NLGN1: variants seen among roughly 807,000 people sequenced by gnomAD.
NLGN1 encodes the protein neuroligin 1, also known as neuroligin-1.
A neutral mutation model predicts 65.5 loss-of-function variants in NLGN1; 12 were observed. The observed-to-expected ratio is 0.18, with a 90% CI of 0.12 to 0.30. NLGN1 has a LOEUF of 0.30. Among genes scored for constraint, NLGN1 ranks in the 10% least tolerant of loss-of-function variants. NLGN1 has a pLI of 1.00. For synonymous variants in NLGN1, 350 were observed against 359.5 expected (o/e 0.97, Z 0.30); for missense variants, 750 against 1,007.1 (o/e 0.74, Z 3.46).
chr3:173,761,770 T>C (rs943783391), intron 3 of NLGN1, among the ~76,000 whole-genome samples: 6 of 152,084 alleles, frequency 3.9e-5, no homozygotes, highest in African/African-American at 1.4e-4. Context: ...CTCTTTTTGT[T>C]CTTGTAGCCT....
At chr3:174,079,574 T>C (rs1017518661) in intron 4 of NLGN1, among the ~76,000 whole-genome samples, 1 of 152,122 alleles carries the variant, frequency 6.6e-6, no homozygotes, top group African/African-American at 2.4e-5. Context: ...CATTGTATTA[T>C]AAAGACATGC....
intron 1 of NLGN1, among the ~76,000 whole-genome samples, chr3:173,411,451 T>C (rs146342923): frequency 6.6e-5 from 10 of 152,274 alleles, no homozygotes; most frequent in Admixed American, 6.5e-4. Flanking sequence ...ACTTTTGCTC[T>C]AATCATGGCT....
At chr3:173,768,711 A>C (rs1390664747) in intron 3 of NLGN1, among the ~76,000 whole-genome samples, 9 of 152,204 alleles carry the variant, frequency 5.9e-5, no homozygotes, top group Admixed American at 5.9e-4. Context: ...AATAAGTGTG[A>C]AGTTCCTAAC....
chr3:173,483,639 A>T (rs1005300393), intron 2 of NLGN1, among the ~76,000 whole-genome samples: 3 of 152,078 alleles, frequency 2.0e-5, no homozygotes, highest in African/African-American at 7.2e-5. Context: ...TTTAAAATTT[A>T]TTTTTTTAAG....
chr3:173,702,186 C>T (rs1767294417), intron 3 of NLGN1, among the ~76,000 whole-genome samples: 1 of 148,628 alleles, frequency 6.7e-6, no homozygotes, highest in African/African-American at 2.5e-5. Context: ...TTGCAGTGAG[C>T]CGAGATCCCG....
intron 2 of NLGN1, among the ~76,000 whole-genome samples, chr3:173,438,443 G>GCCAACTTGAT (rs1718550534): frequency 2.0e-5 from 3 of 152,052 alleles, no homozygotes; most frequent in Admixed American, 1.3e-4. Flanking sequence ...AAAGAGACAT[G>GCCAACTTGAT]CCAACTTGAT....
At chr3:174,155,320 A>G (rs912863100) in intron 4 of NLGN1, among the ~76,000 whole-genome samples, 2 of 151,520 alleles carry the variant, frequency 1.3e-5, no homozygotes, top group African/African-American at 4.8e-5. Flanking sequence ...CAGACTCCTT[A>G]AATTTTTATT....
chr3:173,656,066 T>C (rs1220512686), intron 3 of NLGN1, among the ~76,000 whole-genome samples: 1 of 152,138 alleles, frequency 6.6e-6, no homozygotes, highest in African/African-American at 2.4e-5. Context: ...GTACACCCTA[T>C]GTAAATGAAG....
At chr3:173,871,946 A>G (rs1301338431) in intron 4 of NLGN1, among the ~76,000 whole-genome samples, 1 of 152,178 alleles carries the variant, frequency 6.6e-6, no homozygotes, top group African/African-American at 2.4e-5. Context: ...TTCAATTTCA[A>G]CCGTTCCTAA....
chr3:173,596,892 T>C (rs1749581763), intron 2 of NLGN1, among the ~76,000 whole-genome samples: 1 of 152,210 alleles, frequency 6.6e-6, no homozygotes. Context: ...ACATTAGGAT[T>C]ACCATTTCTG....
rs140600350 is a variant in NLGN1 at position 173,728,581 on chromosome 3, T to C, written c.494-79099T>C. On this transcript the variant is annotated intron_variant, in intron 3 of 6. Transcript: ENST00000457714. ...TGACCTTATTTGAAAATTGGGTCTT[T>C]TAAGATGTACTTAGTTCAGATGAGT... Among the ~76,000 whole-genome samples the C allele has an allele frequency of 5.2e-3, 799 of 152,236 alleles. 33 individuals are homozygous for C. The highest frequency in any genetic ancestry group is 0.05 in the Admixed American group (759 of 15,268).
chr3:174,233,944 A>T (rs906246479), intron 4 of NLGN1, among the ~76,000 whole-genome samples: 11 of 152,244 alleles, frequency 7.2e-5, no homozygotes, highest in African/African-American at 2.6e-4. Context: ...TGTGTCTATT[A>T]TATGTTGACA....
chr3:173,463,743 A>G (rs1013027572), intron 2 of NLGN1, among the ~76,000 whole-genome samples: 1 of 152,172 alleles, frequency 6.6e-6, no homozygotes, highest in African/African-American at 2.4e-5. Flanking sequence ...ATCATGATAG[A>G]TTGAATGAAG....
intron 4 of NLGN1, among the ~76,000 whole-genome samples, chr3:174,124,880 T>A (rs931256850): frequency 6.6e-6 from 1 of 151,928 alleles, no homozygotes; most frequent in Admixed American, 6.6e-5. Context: ...TCTGAGAAAG[T>A]TTAAGCTAAC....
At chr3:173,579,599 T>A (rs965482233) in intron 2 of NLGN1, among the ~76,000 whole-genome samples, 13 of 152,248 alleles carry the variant, frequency 8.5e-5, no homozygotes, top group Non-Finnish European at 1.3e-4. Flanking sequence ...CAGGCAGGTG[T>A]GTTCTCCCAA....
At chr3:174,026,577 A>G (rs534036571) in intron 4 of NLGN1, among the ~76,000 whole-genome samples, 188 of 152,358 alleles carry the variant, frequency 1.2e-3, no homozygotes, top group African/African-American at 4.3e-3. Context: ...CAACATTACT[A>G]TATATTTTAT....
upstream of NLGN1, chr3:173,398,423 G>A (rs1322772217): frequency 3.9e-5 from 6 of 152,208 alleles, no homozygotes; most frequent in Non-Finnish European, 8.8e-5. Flanking sequence ...CTCCTGGGAA[G>A]AGAAGGTATT....
intron 2 of NLGN1, among the ~76,000 whole-genome samples, chr3:173,554,820 T>C (rs972669739): frequency 6.6e-6 from 1 of 152,234 alleles, no homozygotes; most frequent in Non-Finnish European, 1.5e-5. Flanking sequence ...CTGTTTTTCA[T>C]AATAATTTTA....
At chr3:174,148,139 A>G (rs1164586781) in intron 4 of NLGN1, among the ~76,000 whole-genome samples, 1 of 152,162 alleles carries the variant, frequency 6.6e-6, no homozygotes, top group African/African-American at 2.4e-5. Context: ...CTGTTCTCCA[A>G]TTTGATTAAG....
Sources: allele counts gnomAD v4.1 joint callset (sites outside exome capture counted in the v4.1 genomes callset), GRCh38; gene constraint gnomAD v4.1.1; transcripts MANE v1.5; gene names NCBI Gene and HGNC (gene_info 2026-07-23, HGNC 2026-07-21).